Variants in UNC5C observed in about 807,000 individuals in gnomAD.
The protein encoded by UNC5C is unc-5 netrin receptor C.
A neutral mutation model predicts 99.8 loss-of-function variants in UNC5C; 47 were observed. The observed-to-expected ratio is 0.47, with a 90% CI of 0.37 to 0.60. UNC5C has a LOEUF of 0.60. UNC5C is among the 20% of genes least tolerant of loss of function. The pLI is 0.00. For synonymous variants in UNC5C, 487 were observed against 452.2 expected, an observed-to-expected ratio of 1.08 and a Z score of -0.98; for missense variants, 1,062 against 1,165.9, an observed-to-expected ratio of 0.91 and a Z score of 1.30.
intron 1 of UNC5C, among the ~76,000 whole-genome samples, chr4:95,538,764 GTAAA>G (rs1277504760): frequency 1.3e-5 from 2 of 152,108 alleles, no homozygotes; most frequent in African/African-American, 4.8e-5. Flanking sequence ...GATGTATTAT[GTAAA>G]TATTCATATG....
chr4:95,480,897 A>G (rs1212837150), intron 1 of UNC5C, among the ~76,000 whole-genome samples: 5 of 151,712 alleles, frequency 3.3e-5, no homozygotes, highest in African/African-American at 9.7e-5. Context: ...CCCACAGCCA[A>G]TATCACACTG....
chr4:95,234,562 G>A (rs1326890343), intron 7 of UNC5C, among the ~76,000 whole-genome samples: 1 of 152,032 alleles, frequency 6.6e-6, no homozygotes, highest in African/African-American at 2.4e-5. Context: ...TTAAAATGTA[G>A]TTTTGAAAAC....
intron 2 of UNC5C, among the ~76,000 whole-genome samples, chr4:95,333,013 A>T (rs1006413124): frequency 6.6e-6 from 1 of 152,198 alleles, no homozygotes. Context: ...AATCAAAACC[A>T]CAATGAGATA....
chr4:95,405,115 C>T (rs1342664477), intron 1 of UNC5C, among the ~76,000 whole-genome samples: 1 of 152,198 alleles, frequency 6.6e-6, no homozygotes, highest in Non-Finnish European at 1.5e-5. Flanking sequence ...GTACAGAAAG[C>T]ATCATATTGG....
At chr4:95,457,870 G>A (rs11936864) in intron 1 of UNC5C, among the ~76,000 whole-genome samples, 10,877 of 152,144 alleles carry the variant, frequency 0.071, 506 homozygotes, top group Middle Eastern at 0.12. Flanking sequence ...GGATCTGAAC[G>A]TCGGATGAGA....
chr4:95,191,798 C>T (rs1419572460), intron 12 of UNC5C, among the ~76,000 whole-genome samples: 4 of 143,010 alleles, frequency 2.8e-5, no homozygotes, highest in African/African-American at 1.0e-4. Context: ...TTCCTCCCTT[C>T]TCACCTTCTC....
At chr4:95,179,767 A>G (rs933399254) in intron 14 of UNC5C, among the ~76,000 whole-genome samples, 4 of 147,416 alleles carry the variant, frequency 2.7e-5, no homozygotes, top group Non-Finnish European at 4.5e-5. Context: ...AAAAAAAAAG[A>G]AAAAGATGAC....
chr4:95,409,890 T>C (rs1210589579), intron 1 of UNC5C, among the ~76,000 whole-genome samples: 2 of 152,344 alleles, frequency 1.3e-5, no homozygotes, highest in Admixed American at 1.3e-4. Flanking sequence ...TGTATGCCTC[T>C]ATGTGCGCCT....
intron 3 of UNC5C, among the ~76,000 whole-genome samples, chr4:95,296,194 CCTT>C (rs1232248556): frequency 1.3e-5 from 2 of 152,166 alleles, no homozygotes; most frequent in Non-Finnish European, 2.9e-5. Flanking sequence ...GAAAATTCAA[CCTT>C]TTTTGTTCTC....
chr4:95,470,335 A>G (rs1747928484), intron 1 of UNC5C, among the ~76,000 whole-genome samples: 2 of 152,178 alleles, frequency 1.3e-5, no homozygotes, highest in South Asian at 2.1e-4. Flanking sequence ...GTTCAAACGC[A>G]TGTTGTTCAA....
Position 95,419,501 on chromosome 4 carries a change from T to C in UNC5C, c.125-83870A>G, listed in dbSNP as rs528975134. Among the ~76,000 whole-genome samples, 11 of 152,266 alleles carry C rather than the reference T, an allele frequency of 7.2e-5. No individual in the cohort carries two copies. In the East Asian group the frequency reaches 1.7e-3, roughly 24 times the overall value. ...AGAAAAGGTGAACACTGAAAAGAGA[T>C]TGTGTTCCCTCCAACTTCAGAGAGG... On this transcript the variant is annotated intron_variant, in intron 1 of 15. Coordinates refer to ENST00000453304, the MANE Select transcript of UNC5C (RefSeq NM_003728.4).
intron 2 of UNC5C, among the ~76,000 whole-genome samples, chr4:95,317,116 A>G (rs1662864852): frequency 6.6e-6 from 1 of 152,168 alleles, no homozygotes; most frequent in African/African-American, 2.4e-5. Context: ...AAATCTCTGC[A>G]CTTTTTATTT....
At chr4:95,413,410 C>T (rs1482245627) in intron 1 of UNC5C, among the ~76,000 whole-genome samples, 1 of 152,156 alleles carries the variant, frequency 6.6e-6, no homozygotes, top group African/African-American at 2.4e-5. Flanking sequence ...TGGCTGCCAG[C>T]AATCTCCTAC....
chr4:95,283,096 A>G (rs1273706924), intron 3 of UNC5C, among the ~76,000 whole-genome samples: 1 of 152,218 alleles, frequency 6.6e-6, no homozygotes, highest in East Asian at 1.9e-4. Context: ...GACAGAAGTT[A>G]GTAGCACCAT....
At chr4:95,220,509 G>A (rs1738432899) in intron 7 of UNC5C, among the ~76,000 whole-genome samples, 1 of 152,166 alleles carries the variant, frequency 6.6e-6, no homozygotes, top group Non-Finnish European at 1.5e-5. Context: ...AGGTGGAAAA[G>A]TTTGGAAGGG....
intron 1 of UNC5C, among the ~76,000 whole-genome samples, chr4:95,434,740 C>T (rs115270544): frequency 0.012 from 1,761 of 152,036 alleles, 35 homozygotes; most frequent in African/African-American, 0.041. Context: ...TATCTTTCTC[C>T]GCATTGGTCT....
intron 10 of UNC5C, among the ~76,000 whole-genome samples, chr4:95,211,908 C>T (rs1738087555): frequency 1.3e-5 from 2 of 152,166 alleles, no homozygotes; most frequent in Admixed American, 6.5e-5. Flanking sequence ...TACCTGGACT[C>T]ACTAACTCCC....
intron 7 of UNC5C, among the ~76,000 whole-genome samples, chr4:95,241,569 A>G (rs1739331576): frequency 6.6e-6 from 1 of 152,226 alleles, no homozygotes; most frequent in African/African-American, 2.4e-5. Flanking sequence ...AGAAATGTCA[A>G]CACTAGACAA....
chr4:95,512,582 T>C (rs1358526142), intron 1 of UNC5C, among the ~76,000 whole-genome samples: 1 of 152,186 alleles, frequency 6.6e-6, no homozygotes, highest in Admixed American at 6.6e-5. Context: ...GAGTTTCATA[T>C]GAATAACTAA....
Sources: allele counts gnomAD v4.1 joint callset (sites outside exome capture counted in the v4.1 genomes callset), GRCh38; gene constraint gnomAD v4.1.1; transcripts MANE v1.5; gene names NCBI Gene and HGNC (gene_info 2026-07-23, HGNC 2026-07-21).